Variants in TRAPPC9 observed in about 807,000 individuals in gnomAD.
The protein encoded by TRAPPC9 is trafficking protein particle complex subunit 9.
Under a neutral mutation model 124.0 loss-of-function variants are expected in TRAPPC9, and 83 were observed. The ratio of observed to expected loss-of-function variants is 0.67; its 90% confidence interval spans 0.56 to 0.80. The LOEUF (loss-of-function observed/expected upper bound fraction) is 0.80, where lower values mean the gene tolerates loss of function less well. TRAPPC9 is among the 30% of genes least tolerant of loss of function. The pLI, the probability that TRAPPC9 is intolerant of heterozygous loss-of-function variation, is 0.00. For synonymous variants in TRAPPC9, 638 were observed against 617.5 expected (o/e 1.03, Z -0.49); for missense variants, 1,302 against 1,508.3 (o/e 0.86, Z 2.27).
Position 140,282,968 on chromosome 8 carries a change from T to C in TRAPPC9, c.2114+921A>G, listed in dbSNP as rs368255321. Among the ~76,000 whole-genome samples the C allele has an allele frequency of 1.2e-4, 18 of 152,242 alleles. No individual in the cohort carries two copies. In the East Asian group the frequency reaches 1.4e-3, roughly 11 times the overall value. ...CAGGATAAGAGTTGGCTGAGCACGGTGGCTCACACCTGTAATCCCAGCACT... is the reference window on the plus strand; with the variant it reads ...CAGGATAAGAGTTGGCTGAGCACGGCGGCTCACACCTGTAATCCCAGCACT... On this transcript the variant is annotated intron_variant, in intron 14 of 22. Coordinates refer to ENST00000438773, the MANE Select transcript of TRAPPC9 (RefSeq NM_001160372.4).
chr8:139,807,562 G>A (rs893271047), intron 21 of TRAPPC9, among the ~76,000 whole-genome samples: 15 of 152,152 alleles, frequency 9.9e-5, no homozygotes, highest in Admixed American at 2.0e-4. Flanking sequence ...AACAGCACAG[G>A]AGCCGACAGG....
At chr8:140,310,024 C>T (rs1272688969) in intron 10 of TRAPPC9, among the ~76,000 whole-genome samples, 1 of 152,230 alleles carries the variant, frequency 6.6e-6, no homozygotes, top group African/African-American at 2.4e-5. Context: ...TTTCTGCCCC[C>T]ACTTCTCGGG....
intron 18 of TRAPPC9, among the ~76,000 whole-genome samples, chr8:140,021,002 A>G (rs558777660): frequency 6.6e-6 from 1 of 152,196 alleles, no homozygotes; most frequent in Non-Finnish European, 1.5e-5. Context: ...ATGCATAGTT[A>G]ATGTCAATTT....
At chr8:140,042,173 T>C (rs1841313739) in intron 17 of TRAPPC9, among the ~76,000 whole-genome samples, 1 of 151,600 alleles carries the variant, frequency 6.6e-6, no homozygotes, top group Non-Finnish European at 1.5e-5. Context: ...AGAGAAATAA[T>C]ATAAAGTCTG....
At chr8:139,833,021 G>A (rs1468064818) in intron 21 of TRAPPC9, among the ~76,000 whole-genome samples, 1 of 152,182 alleles carries the variant, frequency 6.6e-6, no homozygotes, top group African/African-American at 2.4e-5. Context: ...CCCCACTGCA[G>A]GTTTGAGATG....
intron 21 of TRAPPC9, among the ~76,000 whole-genome samples, chr8:139,763,325 C>T (rs1027153405): frequency 5.3e-5 from 8 of 152,278 alleles, no homozygotes; most frequent in African/African-American, 1.9e-4. Context: ...AGGAAGGCCT[C>T]GCCTTTGGAA....
At chr8:140,048,716 A>G (rs918516974) in intron 17 of TRAPPC9, among the ~76,000 whole-genome samples, 1 of 152,194 alleles carries the variant, frequency 6.6e-6, no homozygotes, top group Non-Finnish European at 1.5e-5. Flanking sequence ...TGACTCACCC[A>G]AAGTCACAAA....
At chr8:139,774,089 C>T (rs1821176405) in intron 21 of TRAPPC9, among the ~76,000 whole-genome samples, 1 of 152,202 alleles carries the variant, frequency 6.6e-6, no homozygotes, top group South Asian at 2.1e-4. Flanking sequence ...GAGAGACAAG[C>T]TCCCCAGGCC....
intron 17 of TRAPPC9, among the ~76,000 whole-genome samples, chr8:140,094,020 C>A (rs770045960): frequency 6.6e-6 from 1 of 152,202 alleles, no homozygotes; most frequent in African/African-American, 2.4e-5. Context: ...AGGTGGCTTC[C>A]CTTCCCTTGA....
chr8:139,928,103 A>G (rs1832915551), intron 19 of TRAPPC9, among the ~76,000 whole-genome samples: 1 of 152,236 alleles, frequency 6.6e-6, no homozygotes, highest in Non-Finnish European at 1.5e-5. Flanking sequence ...ATCCTTCTAT[A>G]AAGTTGTACC....
intron 17 of TRAPPC9, among the ~76,000 whole-genome samples, chr8:140,174,842 G>C: frequency 6.6e-6 from 1 of 152,126 alleles, no homozygotes; most frequent in South Asian, 2.1e-4. Flanking sequence ...TGTTTCCACT[G>C]TTTGACTATC....
At chr8:140,008,059 G>A (rs1838875190) in intron 18 of TRAPPC9, among the ~76,000 whole-genome samples, 1 of 152,148 alleles carries the variant, frequency 6.6e-6, no homozygotes, top group Non-Finnish European at 1.5e-5. Context: ...GTGAAGGCTG[G>A]GTGCCAGCTC....
At position 140,450,921 on chromosome 8, in the gene TRAPPC9, G is replaced by GAA. The variant is rs770035382; in HGVS notation, c.451_452dup (p.Ile152SerfsTer38). The GAA allele has an allele frequency of 6.2e-7, 1 of 1,614,192 alleles. No homozygotes were observed. Among genetic ancestry groups the GAA allele is most frequent in the Non-Finnish European group, 8.5e-7 (1 of 1,180,040 alleles). ...CCAGCACGATGAACAGTGACTCGAT[G>GAA]AAGTCCTCGATTCTCTTCTCCACCG... On this transcript the variant is annotated frameshift_variant, in exon 2 of 23. Transcript: ENST00000438773. LOFTEE classifies it high-confidence loss of function.
chr8:140,319,615 C>T (rs2066539713), intron 9 of TRAPPC9, among the ~76,000 whole-genome samples: 1 of 152,128 alleles, frequency 6.6e-6, no homozygotes, highest in Admixed American at 6.5e-5. Context: ...TACAGGTGTG[C>T]ACCACAACAC....
intron 19 of TRAPPC9, among the ~76,000 whole-genome samples, chr8:139,928,931 G>A (rs562698893): frequency 2.6e-5 from 4 of 151,822 alleles, no homozygotes; most frequent in South Asian, 2.1e-4. Flanking sequence ...GATTCTCCTC[G>A]GTCCCTAAGA....
intron 9 of TRAPPC9, among the ~76,000 whole-genome samples, chr8:140,351,580 G>A (rs960296957): frequency 2.2e-4 from 33 of 152,276 alleles, no homozygotes; most frequent in African/African-American, 7.5e-4. Flanking sequence ...ACCAGCCTGA[G>A]CAACAAGGCG....
At chr8:140,114,176 C>T (rs1350814564) in intron 17 of TRAPPC9, among the ~76,000 whole-genome samples, 1 of 152,092 alleles carries the variant, frequency 6.6e-6, no homozygotes, top group African/African-American at 2.4e-5. Context: ...TGTTTCCAAT[C>T]CCCTCACCTA....
chr8:139,767,315 T>C (rs1451414382), intron 21 of TRAPPC9, among the ~76,000 whole-genome samples: 1 of 152,236 alleles, frequency 6.6e-6, no homozygotes, highest in Non-Finnish European at 1.5e-5. Context: ...CTGTGTTTTC[T>C]GAAGTGAGCT....
At position 140,014,481 on chromosome 8, in the gene TRAPPC9, C is replaced by T. The variant is rs1203633143; in HGVS notation, c.2699+9456G>A. ...GAGAATTCTACCTATCTATATTGGG[C>T]TTTGGCATTTAGAAAAAACTGCCCC... is the stretch of plus-strand genomic sequence containing the variant. On this transcript the variant is annotated intron_variant, in intron 18 of 22. Coordinates refer to ENST00000438773, the MANE Select transcript of TRAPPC9 (RefSeq NM_001160372.4). 3.9e-5 allele frequency among the ~76,000 whole-genome samples: 6 copies of T among 152,176 alleles called. No individual in the cohort carries two copies. In the East Asian group the frequency reaches 1.2e-3, roughly 29 times the overall value.
Sources: allele counts gnomAD v4.1 joint callset (sites outside exome capture counted in the v4.1 genomes callset), GRCh38; gene constraint gnomAD v4.1.1; transcripts MANE v1.5; gene names NCBI Gene and HGNC (gene_info 2026-07-23, HGNC 2026-07-21).